The following TSHZ2 variants were observed in gnomAD, a reference collection of about 807,000 sequenced individuals.
The protein encoded by TSHZ2 is teashirt homolog 2.
Under a neutral mutation model 74.4 loss-of-function variants are expected in TSHZ2, and 21 were observed. The observed-to-expected ratio is 0.28, with a 90% CI of 0.20 to 0.41. TSHZ2 has a LOEUF of 0.41. TSHZ2 is among the 10% of genes least tolerant of loss of function. The pLI is 1.00. For synonymous variants in TSHZ2, 540 were observed against 515.3 expected, an observed-to-expected ratio of 1.05 and a Z score of -0.65; for missense variants, 1,244 against 1,293.5, an observed-to-expected ratio of 0.96 and a Z score of 0.59.
At chr20:53,395,090 T>A (rs1442991363) in intron 2 of TSHZ2, among the ~76,000 whole-genome samples, 1 of 152,056 alleles carries the variant, frequency 6.6e-6, no homozygotes, top group Non-Finnish European at 1.5e-5. Context: ...TAGAATTCAG[T>A]CATGTGAAAT....
intron 2 of TSHZ2, among the ~76,000 whole-genome samples, chr20:53,464,876 C>G (rs1353214043): frequency 6.6e-6 from 1 of 152,222 alleles, no homozygotes; most frequent in Non-Finnish European, 1.5e-5. Context: ...AAATGATCCT[C>G]CTGCCTCAGC....
At chr20:53,220,962 T>C (rs1280860062) in intron 1 of TSHZ2, among the ~76,000 whole-genome samples, 4 of 152,192 alleles carry the variant, frequency 2.6e-5, no homozygotes, top group African/African-American at 7.2e-5. Flanking sequence ...TCATGAATGA[T>C]ATGGTTTGGC....
chr20:53,147,549 CATAAT>C (rs1987571575), intron 1 of TSHZ2, among the ~76,000 whole-genome samples: 1 of 152,132 alleles, frequency 6.6e-6, no homozygotes, highest in African/African-American at 2.4e-5. Context: ...AATGTCATGT[CATAAT>C]ATCATTAGAA....
At chr20:52,984,801 G>A (rs917706229) in intron 1 of TSHZ2, among the ~76,000 whole-genome samples, 26 of 152,116 alleles carry the variant, frequency 1.7e-4, no homozygotes, top group Admixed American at 1.7e-3. Context: ...GATGGATGGC[G>A]GAAGAGCCAT....
At chr20:53,458,551 C>G in intron 2 of TSHZ2, among the ~76,000 whole-genome samples, 1 of 152,068 alleles carries the variant, frequency 6.6e-6, no homozygotes, top group East Asian at 1.9e-4. Flanking sequence ...TTTTGTGTCT[C>G]TATTATTTCC....
At chr20:53,003,101 A>T (rs1264255393) in intron 1 of TSHZ2, among the ~76,000 whole-genome samples, 18 of 152,232 alleles carry the variant, frequency 1.2e-4, no homozygotes, top group Admixed American at 1.2e-3. Flanking sequence ...TTAAGAGATA[A>T]CAAAATGTCA....
chr20:53,417,241 GACACACACACACACACACACACACAC>G (rs56822266), intron 2 of TSHZ2, among the ~76,000 whole-genome samples: 4 of 138,048 alleles, frequency 2.9e-5, no homozygotes, highest in Non-Finnish European at 6.3e-5. Context: ...GACACACACA[GACACACACACACACACACACACACAC>G]ACACACACAC....
intron 2 of TSHZ2, among the ~76,000 whole-genome samples, chr20:53,342,890 A>T (rs1323447750): frequency 6.6e-6 from 1 of 150,680 alleles, no homozygotes; most frequent in African/African-American, 2.5e-5. Flanking sequence ...CTTGTTAAAA[A>T]TGCAGGTTCC....
intron 2 of TSHZ2, among the ~76,000 whole-genome samples, chr20:53,430,629 A>G (rs2145731413): frequency 6.6e-6 from 1 of 152,050 alleles, no homozygotes; most frequent in Admixed American, 6.5e-5. Flanking sequence ...CAGGAATTCA[A>G]GATTAACCTG....
chr20:53,051,502 G>T (rs901296092), intron 1 of TSHZ2, among the ~76,000 whole-genome samples: 6 of 116,128 alleles, frequency 5.2e-5, no homozygotes, highest in African/African-American at 1.3e-4. Flanking sequence ...CACAATTCAG[G>T]TGGATTTGCA....
chr20:53,161,326 G>A (rs1987933819), intron 1 of TSHZ2, among the ~76,000 whole-genome samples: 1 of 152,038 alleles, frequency 6.6e-6, no homozygotes, highest in Non-Finnish European at 1.5e-5. Context: ...CCCATGGGTG[G>A]GAGGAGGGTG....
intron 1 of TSHZ2, among the ~76,000 whole-genome samples, chr20:53,023,927 C>T (rs1983341127): frequency 6.6e-6 from 1 of 151,896 alleles, no homozygotes; most frequent in African/African-American, 2.4e-5. Context: ...CTGTTTGCAC[C>T]ATTAGTGTTA....
chr20:53,434,739 GTT>G (rs1983980730), intron 2 of TSHZ2, among the ~76,000 whole-genome samples: 1 of 152,228 alleles, frequency 6.6e-6, no homozygotes, highest in Non-Finnish European at 1.5e-5. Flanking sequence ...TTTGTTTAGA[GTT>G]TGTGGGCATT....
At chr20:53,222,975 T>G (rs1989598956) in intron 1 of TSHZ2, among the ~76,000 whole-genome samples, 1 of 152,232 alleles carries the variant, frequency 6.6e-6, no homozygotes, top group South Asian at 2.1e-4. Flanking sequence ...ATATGTCGAT[T>G]TGAATCAATT....
intron 1 of TSHZ2, among the ~76,000 whole-genome samples, chr20:53,041,065 G>A (rs753352719): frequency 8.5e-5 from 13 of 152,100 alleles, no homozygotes; most frequent in South Asian, 2.1e-4. Context: ...GTGCCCACCC[G>A]GCTCCTTGTG....
At chr20:53,171,943 G>T (rs1988213355) in intron 1 of TSHZ2, among the ~76,000 whole-genome samples, 1 of 152,086 alleles carries the variant, frequency 6.6e-6, no homozygotes, top group African/African-American at 2.4e-5. Flanking sequence ...AGAGTAATAA[G>T]TCATCCTGCC....
intron 1 of TSHZ2, among the ~76,000 whole-genome samples, chr20:53,171,711 C>G (rs1988206314): frequency 6.6e-6 from 1 of 151,938 alleles, no homozygotes; most frequent in Admixed American, 6.6e-5. Flanking sequence ...ATTTTGTTGA[C>G]TTTTCTGAGG....
intron 1 of TSHZ2, among the ~76,000 whole-genome samples, chr20:53,246,050 T>TTTTTTTTTTTTTTTTTTTTTTTTTTTTG (rs1568832069): frequency 6.7e-5 from 10 of 150,146 alleles, no homozygotes; most frequent in African/African-American, 2.2e-4. Flanking sequence ...CTTTTTTTTT[T>TTTTTTTTTTTTTTTTTTTTTTTTTTTTG]TTTGTTTGAG....
At chr20:53,444,985 A>G (rs1017617638) in intron 2 of TSHZ2, among the ~76,000 whole-genome samples, 43 of 152,238 alleles carry the variant, frequency 2.8e-4, no homozygotes, top group African/African-American at 1.0e-3. Flanking sequence ...ATGAGCATTG[A>G]GGCCGATGTG....
Sources: allele counts gnomAD v4.1 joint callset (sites outside exome capture counted in the v4.1 genomes callset), GRCh38; gene constraint gnomAD v4.1.1; transcripts MANE v1.5; gene names NCBI Gene and HGNC (gene_info 2026-07-23, HGNC 2026-07-21).